The following LMO7 variants were observed in gnomAD, a reference collection of about 807,000 sequenced individuals.
LMO7 encodes the protein LIM domain only protein 7.
Under a neutral mutation model 206.5 loss-of-function variants are expected in LMO7, and 120 were observed. The observed-to-expected ratio is 0.58, with a 90% confidence interval of 0.50 to 0.68. LMO7 has a LOEUF of 0.68. LMO7 is among the 30% of genes least tolerant of loss of function. The pLI, the probability that LMO7 is intolerant of heterozygous loss-of-function variation, is 0.00. For missense variants in LMO7, 1,959 were observed against 1,957.9 expected (o/e 1.00, Z -0.01); for synonymous variants, 706 against 681.5 (o/e 1.04, Z -0.56).
At chr13:75,797,318 A>G (rs2054155605) in intron 6 of LMO7, among the ~76,000 whole-genome samples, 1 of 152,204 alleles carries the variant, frequency 6.6e-6, no homozygotes, top group Non-Finnish European at 1.5e-5. Flanking sequence ...ATTTCTAGTC[A>G]TTCATATTTT....
At chr13:75,668,015 C>T (rs1022766317) in intron 1 of LMO7, among the ~76,000 whole-genome samples, 2 of 152,154 alleles carry the variant, frequency 1.3e-5, no homozygotes, top group Non-Finnish European at 2.9e-5. Flanking sequence ...CGAGACCAGC[C>T]TGGCCAACAT....
intron 5 of LMO7, 33 bp from the exon 6 acceptor site, chr13:75,796,603 A>C: frequency 7.4e-7 from 1 of 1,354,576 alleles, no homozygotes; most frequent in Non-Finnish European, 1.1e-6. Flanking sequence ...TAATCGACTG[A>C]TCTTGTTGTT....
Position 75,859,511 on chromosome 13 carries a change from T to G in LMO7, c.*1568T>G, listed in dbSNP as rs952062284. The G allele has an allele frequency of 6.6e-6, 1 of 152,238 alleles. No homozygotes were observed. Among genetic ancestry groups the G allele is most frequent in the African/African-American group, 2.4e-5 (1 of 41,460 alleles). The allele number at this position is 152,238 out of a possible 1,614,324, so 9.4% of individuals were successfully genotyped here. A position where few individuals can be genotyped will look rare whatever the true frequency, so the allele number is the denominator to read the frequency against. On this transcript the variant is annotated 3_prime_UTR_variant, in exon 31 of 31. Coordinates refer to ENST00000377534, the MANE Select transcript of LMO7 (RefSeq NM_001306080.2). ...GCCTTGGTAATATTTAGTTGATAATTCCATTACTGTGTATTTTTCACTTGT... is the reference window on the plus strand; with the variant it reads ...GCCTTGGTAATATTTAGTTGATAATGCCATTACTGTGTATTTTTCACTTGT...
At chr13:75,689,911 T>C (rs1470054722) in intron 1 of LMO7, among the ~76,000 whole-genome samples, 1 of 152,136 alleles carries the variant, frequency 6.6e-6, no homozygotes, top group Non-Finnish European at 1.5e-5. Context: ...TGTGAGTCAA[T>C]ACTCCTTATT....
intron 16 of LMO7, 34 bp downstream of exon 16, chr13:75,833,199 T>C: frequency 8.4e-7 from 1 of 1,195,894 alleles, no homozygotes; most frequent in Non-Finnish European, 1.3e-6. Context: ...TGAATTTTCT[T>C]CTCCTTTTCT....
At chr13:75,822,483 A>C (rs1208146905) in intron 14 of LMO7, among the ~76,000 whole-genome samples, 3 of 152,118 alleles carry the variant, frequency 2.0e-5, no homozygotes, top group African/African-American at 7.2e-5. Flanking sequence ...TCTCTAAGAC[A>C]GAAAATGTTT....
At chr13:75,692,307 G>T (rs2041552436) in intron 1 of LMO7, among the ~76,000 whole-genome samples, 1 of 152,140 alleles carries the variant, frequency 6.6e-6, no homozygotes, top group Admixed American at 6.5e-5. Flanking sequence ...TAGTTTCAGG[G>T]TCGTTAGTTC....
Position 75,853,363 on chromosome 13 carries a change from C to G in LMO7, c.4636C>G (p.Gln1546Glu), listed in dbSNP as rs1163066791. ...TPRSHSPSAS[Q>E]SGSQLRNRSV... ...GAGAAGCCATTCCCCTTCAGCTTCA[C>G]AGTCAGGCTCTCAGCTGCGTAACAG... The change falls in exon 28 of 31, where the codon CAG (glutamine) becomes GAG (glutamate). Residue 1546 changes from glutamine to glutamate, a missense_variant. Coordinates refer to ENST00000377534, the MANE Select transcript of LMO7 (RefSeq NM_001306080.2). The G allele has an allele frequency of 1.2e-6, 2 of 1,609,776 alleles. No individual in the cohort carries two copies. The highest frequency in any genetic ancestry group is 1.7e-5 in the Admixed American group (1 of 59,618).
intron 4 of LMO7, among the ~76,000 whole-genome samples, chr13:75,786,320 G>A (rs530390716): frequency 1.3e-5 from 2 of 151,860 alleles, no homozygotes; most frequent in South Asian, 4.2e-4. Flanking sequence ...TAACCCTTAA[G>A]TGTTGGGTTT....
At position 75,792,961 on chromosome 13, in the gene LMO7, A is replaced by G. The variant is rs114040858; in HGVS notation, c.318-2440A>G. 8.8e-3 allele frequency among the ~76,000 whole-genome samples: 1,341 copies of G among 152,316 alleles called. 31 individuals carry two copies. The highest frequency in any genetic ancestry group is 0.03 in the African/African-American group (1,232 of 41,562). ...GATTGTTTTATCATGATAAAAAGTG[A>G]AAACAAATGAGTATGTTGGATTAGA... On this transcript the variant is annotated intron_variant, in intron 4 of 30. Coordinates refer to ENST00000377534, the MANE Select transcript of LMO7 (RefSeq NM_001306080.2).
chr13:75,641,002 G>A (rs1387743757), intron 1 of LMO7, among the ~76,000 whole-genome samples: 2 of 152,206 alleles, frequency 1.3e-5, no homozygotes, highest in Non-Finnish European at 2.9e-5. Flanking sequence ...TACCTACTAT[G>A]TGCCTACTGT....
chr13:75,823,479 T>G (rs1326941865), intron 14 of LMO7, 86 bp from the exon 15 acceptor site: 2 of 1,063,396 alleles, frequency 1.9e-6, no homozygotes, highest in African/African-American at 1.6e-5. Flanking sequence ...TATTTTAGTT[T>G]TAAAATATTA....
chr13:75,713,470 T>C (rs546048770), intron 2 of LMO7, among the ~76,000 whole-genome samples: 1 of 152,216 alleles, frequency 6.6e-6, no homozygotes, highest in South Asian at 2.1e-4. Context: ...TGGTAAAATA[T>C]ATATTATTTT....
In LMO7 at chr13:75,842,929, T is replaced by C. The variant is rs1485115673; in HGVS notation, c.4097+13T>C. On this transcript the variant is annotated intron_variant, in intron 25 of 30. Transcript: ENST00000377534. ...TTCCTGGTGACAGGTATGTAGAGCA[T>C]GTTATTGTAATTTAATTGATGATAA... is the stretch of plus-strand genomic sequence containing the variant. 6.5e-7 allele frequency: 1 copy of C among 1,527,946 alleles called. No homozygotes were observed. The highest frequency in any genetic ancestry group is 1.1e-5 in the South Asian group (1 of 88,716). 94.6% of individuals were successfully genotyped at this position (1,527,946 alleles called of 1,614,324 possible). A position where few individuals can be genotyped will look rare whatever the true frequency, so the allele number is the denominator to read the frequency against.
At chr13:75,765,817 T>C (rs1239429841) in intron 4 of LMO7, among the ~76,000 whole-genome samples, 1 of 152,168 alleles carries the variant, frequency 6.6e-6, no homozygotes, top group Non-Finnish European at 1.5e-5. Flanking sequence ...ATTTCTCAGA[T>C]AGCCACGTTT....
chr13:75,816,797 TAA>T (rs1245196405), intron 11 of LMO7: 1 of 157,508 alleles, frequency 6.3e-6, no homozygotes, highest in Non-Finnish European at 1.4e-5. Flanking sequence ...AGATAGAAAA[TAA>T]AGAGAGATAA....
intron 1 of LMO7, among the ~76,000 whole-genome samples, chr13:75,647,230 G>T (rs990502783): frequency 9.9e-5 from 15 of 152,182 alleles, no homozygotes; most frequent in African/African-American, 3.4e-4. Context: ...AAAGTAAGTG[G>T]ATGAATGAAC....
rs146142728 is a variant in LMO7, at chr13:75,756,246, G to A, written c.211-4686G>A. 6.0e-3 allele frequency among the ~76,000 whole-genome samples: 920 copies of A among 152,218 alleles called. 42 individuals are homozygous for A. Among genetic ancestry groups the A allele is most frequent in the Admixed American group, 0.054 (832 of 15,272 alleles). On this transcript the variant is annotated intron_variant, in intron 3 of 30. Coordinates refer to ENST00000377534, the MANE Select transcript of LMO7 (RefSeq NM_001306080.2). ...GAGCTACTCTTGAAGAGATTGATGG[G>A]TGCATCTTTTGTCTAATGGAATGAA...
chr13:75,800,362 AC>A (rs1173495578), intron 6 of LMO7, among the ~76,000 whole-genome samples: 5 of 152,280 alleles, frequency 3.3e-5, no homozygotes, highest in Non-Finnish European at 7.3e-5. Context: ...TTTCAATGTT[AC>A]TCTATGAACT....
Sources: gnomAD v4.1 joint callset for allele counts (sites outside exome capture counted in the v4.1 genomes callset) on GRCh38, gnomAD v4.1.1 for gene constraint, MANE v1.5 for transcripts, NCBI Gene and HGNC (gene_info 2026-07-23, HGNC 2026-07-21) for gene names.